The following ATRX variants were observed in gnomAD, a reference collection of about 807,000 sequenced individuals.
ATRX encodes ATRX chromatin remodeler.
A neutral mutation model predicts 172.6 loss-of-function variants in ATRX; 12 were observed. That is an observed-to-expected ratio of 0.07 (90% CI 0.04 to 0.11). ATRX has a LOEUF of 0.11. Ranked by LOEUF, ATRX falls within the 10% of genes least tolerant of loss-of-function variation. The pLI, the probability that ATRX is intolerant of heterozygous loss-of-function variation, is 1.00. For synonymous variants in ATRX, 674 were observed against 594.7 expected, an observed-to-expected ratio of 1.13 and a Z score of -1.94; for missense variants, 1,368 against 1,767.4, an observed-to-expected ratio of 0.77 and a Z score of 4.05.
intron 10 of ATRX, among the ~76,000 whole-genome samples, chrX:77,667,078 T>A (rs968005502): frequency 9.1e-6 from 1 of 109,756 alleles, no homozygotes; most frequent in Admixed American, 9.7e-5. Context: ...ATAGTTCTAT[T>A]TAAAAAAAAA....
chrX:77,599,368 C>T (rs1557085676), intron 25 of ATRX, 43 bp downstream of exon 25: 1 of 1,197,007 alleles, frequency 8.4e-7, no homozygotes, highest in Non-Finnish European at 1.1e-6. Flanking sequence ...TGACATTTTC[C>T]AAATTACTGT....
chrX:77,545,364 C>G (rs1469669502), intron 30 of ATRX, among the ~76,000 whole-genome samples: 1 of 111,727 alleles, frequency 9.0e-6, no homozygotes, highest in Non-Finnish European at 1.9e-5. Flanking sequence ...ACAATGTGTG[C>G]ATATGTGCAT....
chrX:77,505,170 T>C lies in ATRX; in HGVS notation c.*3181A>G, dbSNP rs2062685306. ...CTGTTTTACTGGTAGAATAAGTCTC[T>C]ATAGCCTCACAACATGCTACTCTCA... On this transcript the variant is annotated 3_prime_UTR_variant, in exon 35 of 35. Coordinates refer to ENST00000373344, the MANE Select transcript of ATRX (RefSeq NM_000489.6). The C allele has an allele frequency of 5.8e-6, 1 of 171,765 alleles. No individual in the cohort carries two copies. Among genetic ancestry groups the C allele is most frequent in the South Asian group, 3.2e-4 (1 of 3,131 alleles). 14.2% of individuals were successfully genotyped at this position (171,765 alleles called of 1,213,427 possible). A position where few individuals can be genotyped will look rare whatever the true frequency, so the allele number is the denominator to read the frequency against.
chrX:77,676,276 T>C lies in ATRX; in HGVS notation c.3759A>G (p.Ser1253=), dbSNP rs1165816018. 6 of 1,205,336 alleles carry C rather than the reference T, an allele frequency of 5.0e-6. No individual in the cohort carries two copies. The African/African-American group carries it at 8.8e-5, about 18-fold the overall frequency. Residue 1253 remains serine (S), a synonymous_variant, in exon 10 of 35, where the codon TCA becomes TCG. Coordinates refer to ENST00000373344, the MANE Select transcript of ATRX (RefSeq NM_000489.6). ...QSSGDEALSK[S]VPVTVDDDDD... is the part of the protein sequence containing the mutation. ...CATCATCATCCACTGTGACAGGCACTGATTTAGATAAGGCTTCATCTCCTT... is the reference window on the plus strand; with the variant it reads ...CATCATCATCCACTGTGACAGGCACCGATTTAGATAAGGCTTCATCTCCTT...
rs782589495 is a variant in ATRX, at chrX:77,744,013, T to C, written c.21-26770A>G. 5.3e-5 allele frequency among the ~76,000 whole-genome samples: 6 copies of C among 112,680 alleles called. No homozygotes were observed. The South Asian group carries it at 1.1e-3, about 21-fold the overall frequency. On this transcript the variant is annotated intron_variant, in intron 1 of 34. Transcript: ENST00000373344. ...CCACAGACACCATTAATGCTATTTA[T>C]AGCCAAAGAAATCATACAGAGGCTG...
At chrX:77,523,638 T>G (rs2063298720) in intron 30 of ATRX, among the ~76,000 whole-genome samples, 1 of 111,756 alleles carries the variant, frequency 8.9e-6, no homozygotes, top group African/African-American at 3.2e-5. Flanking sequence ...TAATTACCAC[T>G]TTTCAGATTT....
At chrX:77,641,575 T>A (rs1203189440) in intron 15 of ATRX, among the ~76,000 whole-genome samples, 7 of 85,063 alleles carry the variant, frequency 8.2e-5, no homozygotes, top group Non-Finnish European at 1.3e-4. Context: ...AGAGCGAGCC[T>A]CCATCTCAGA....
intron 2 of ATRX, among the ~76,000 whole-genome samples, chrX:77,709,129 G>C (rs2072987304): frequency 9.0e-6 from 1 of 111,700 alleles, no homozygotes; most frequent in Non-Finnish European, 1.9e-5. Context: ...AGCTACTCGA[G>C]AGGCTGAGGC....
intron 1 of ATRX, among the ~76,000 whole-genome samples, chrX:77,769,383 G>A (rs1483551114): frequency 9.2e-6 from 1 of 108,281 alleles, no homozygotes; most frequent in African/African-American, 3.4e-5. Flanking sequence ...CCCGAGTCCT[G>A]GTTCAAGCAA....
rs587778084 is a variant in ATRX at position 77,600,555 on chromosome X, T to C, written c.5576A>G (p.Asn1859Ser). The C allele has an allele frequency of 1.7e-6, 2 of 1,210,625 alleles. No homozygotes were observed. The highest frequency in any genetic ancestry group is 2.2e-6 in the Non-Finnish European group (2 of 894,687). Residue 1859 changes from asparagine to serine, a missense_variant, in exon 23 of 35, where the codon AAT (asparagine) becomes AGT (serine). Physicochemically the swap from Asn to Ser is conservative, Grantham distance 46 (BLOSUM62 1). Transcript: ENST00000373344. ...YYLDHLTGVGNNSEGGRGKAG... is the reference protein window; with the variant it reads ...YYLDHLTGVGSNSEGGRGKAG... Reference sequence around the variant, plus strand: ...CTTTCCTCTTCCACCTTCACTATTATTGCCCACACCTGATCAAAAGAAATA... The same window carrying C: ...CTTTCCTCTTCCACCTTCACTATTACTGCCCACACCTGATCAAAAGAAATA...
At chrX:77,759,253 G>GT (rs2075627086) in intron 1 of ATRX, among the ~76,000 whole-genome samples, 1 of 110,946 alleles carries the variant, frequency 9.0e-6, no homozygotes, top group Non-Finnish European at 1.9e-5. Flanking sequence ...GCCAGTGGAA[G>GT]TATAAATCAG....
intron 25 of ATRX, among the ~76,000 whole-genome samples, chrX:77,597,775 T>C (rs541420693): frequency 2.7e-5 from 3 of 111,852 alleles, no homozygotes; most frequent in African/African-American, 6.5e-5. Flanking sequence ...ATGGCTATTA[T>C]TAAAAAGTCA....
intron 1 of ATRX, among the ~76,000 whole-genome samples, chrX:77,742,855 C>A (rs782190098): frequency 8.9e-6 from 1 of 111,958 alleles, no homozygotes; most frequent in African/African-American, 3.2e-5. Flanking sequence ...TGAGAAAGAA[C>A]TGTTTCAGGG....
chrX:77,685,054 A>T, intron 7 of ATRX, 48 bp from the exon 8 acceptor site: 2 of 999,325 alleles, frequency 2.0e-6, no homozygotes, highest in Non-Finnish European at 2.8e-6. Flanking sequence ...AATTGATAAC[A>T]TTCATAAAGG....
Position 77,663,438 on chromosome X carries a change from T to C in ATRX, c.4064A>G (p.Glu1355Gly), listed in dbSNP as rs1370215428. ...ATGCTCTTTAGGCTTTGTCTTTTTT[T>C]CTTCTCCAGATTCTCCGTCACTCAC... ...LTVSDGESGE[E>G]KKTKPKEHKE... The change falls in exon 12 of 35, where the codon GAA becomes GGA. Residue 1355 changes from glutamate to glycine, a missense_variant. Physicochemically the swap from Glu to Gly is moderately conservative, Grantham distance 98. Around this residue, in one of 17 missense-constraint regions of ATRX, gnomAD observed 119 missense variants for 131.3 expected, o/e 0.91. Coordinates refer to ENST00000373344, the MANE Select transcript of ATRX (RefSeq NM_000489.6). 8.3e-7 allele frequency: 1 copy of C among 1,210,322 alleles called. No individual in the cohort carries two copies. The highest frequency in any genetic ancestry group is 1.1e-6 in the Non-Finnish European group (1 of 895,297).
At chrX:77,762,304 CA>C (rs782237740) in intron 1 of ATRX, among the ~76,000 whole-genome samples, 427 of 23,390 alleles carry the variant, frequency 0.018, 1 homozygote, top group African/African-American at 0.052. Flanking sequence ...GACTCTGTCT[CA>C]AAAAAAAAAA....
intron 27 of ATRX, among the ~76,000 whole-genome samples, chrX:77,587,483 A>T (rs985663366): frequency 2.7e-5 from 3 of 112,299 alleles, no homozygotes; most frequent in Non-Finnish European, 5.6e-5. Flanking sequence ...CTTGATAAAT[A>T]GTATCCACAA....
chrX:77,693,784 C>T (rs1557148321), intron 6 of ATRX, 40 bp downstream of exon 6: 2 of 1,066,787 alleles, frequency 1.9e-6, no homozygotes, highest in Non-Finnish European at 1.3e-6. Context: ...TGGTCATAAA[C>T]AGCAATTTAA....
At position 77,611,205 on chromosome X, in the gene ATRX, T is replaced by G. The variant is rs1368610045; in HGVS notation, c.5566+5408A>C. On this transcript the variant is annotated intron_variant, in intron 22 of 34. Transcript: ENST00000373344. ...CTATTTCTGTAGCCAGAAAACTAAG[T>G]TTTGAAACAAACCCTGAGATTAACA... Among the ~76,000 whole-genome samples, 4 of 111,433 alleles carry G rather than the reference T, an allele frequency of 3.6e-5. No homozygotes were observed. In the Admixed American group the frequency reaches 3.9e-4, roughly 11 times the overall value.
Sources: gnomAD v4.1 joint callset for allele counts (sites outside exome capture counted in the v4.1 genomes callset) on GRCh38, gnomAD v4.1.1 for gene constraint, gnomAD v4.1.1 regional missense constraint, MANE v1.5 for transcripts, NCBI Gene and HGNC (gene_info 2026-07-23, HGNC 2026-07-21) for gene names.